Variants in CLEC4D observed in about 807,000 individuals in gnomAD.
CLEC4D encodes the protein C-type (calcium dependent, carbohydrate-recognition domain) lectin, superfamily member 8.
Under a neutral mutation model 21.1 loss-of-function variants are expected in CLEC4D, and 21 were observed. The ratio of observed to expected loss-of-function variants is 1.00; its 90% CI spans 0.71 to 1.43. The LOEUF (loss-of-function observed/expected upper bound fraction) is 1.43, where lower values mean the gene tolerates loss of function less well. Among genes scored for constraint, CLEC4D ranks in the 40% most tolerant of loss-of-function variants. The pLI is 0.00. For synonymous variants in CLEC4D, 85 were observed against 83.1 expected, an observed-to-expected ratio of 1.02 and a Z score of -0.12; for missense variants, 289 against 260.7, an observed-to-expected ratio of 1.11 and a Z score of -0.75.
intron 2 of CLEC4D, 100 bp from the exon 3 acceptor site, chr12:8,518,064 T>G (rs1565491926): frequency 8.8e-6 from 5 of 564,982 alleles, no homozygotes; most frequent in Non-Finnish European, 1.3e-5. Context: ...ATGAGGGCCT[T>G]AATTATTAGG....
chr12:8,524,888 G>C (rs1316699528), downstream of CLEC4D, among the ~76,000 whole-genome samples: 1 of 152,024 alleles, frequency 6.6e-6, no homozygotes, highest in Non-Finnish European at 1.5e-5. Flanking sequence ...CAGAGATTCT[G>C]GTACATTGTA....
downstream of CLEC4D, among the ~76,000 whole-genome samples, chr12:8,522,827 T>C (rs1447053252): frequency 2.0e-5 from 3 of 152,196 alleles, no homozygotes; most frequent in Admixed American, 6.5e-5. Flanking sequence ...TTTACGGTTT[T>C]GGGTTTTACA....
chr12:8,523,715 C>A (rs1223688013), downstream of CLEC4D, among the ~76,000 whole-genome samples: 1 of 152,100 alleles, frequency 6.6e-6, no homozygotes, highest in Non-Finnish European at 1.5e-5. Context: ...ATTGCCCTGG[C>A]CAGAACTTTC....
At chr12:8,520,644 G>A (rs938708341) in intron 5 of CLEC4D, among the ~76,000 whole-genome samples, 2 of 152,156 alleles carry the variant, frequency 1.3e-5, no homozygotes, top group Admixed American at 6.5e-5. Context: ...TTCTTTGAAA[G>A]AGAATCAAAA....
downstream of CLEC4D, among the ~76,000 whole-genome samples, chr12:8,524,578 G>T (rs747094044): frequency 6.6e-4 from 101 of 152,130 alleles, 3 homozygotes; most frequent in South Asian, 0.02. Flanking sequence ...GTGTCTGTTT[G>T]ATTCTTCTCT....
chr12:8,518,219 G>C lies in CLEC4D; in HGVS notation c.177G>C (p.Glu59Asp). 1 of 1,451,342 alleles carries C rather than the reference G, an allele frequency of 6.9e-7. No individual in the cohort carries two copies. 89.9% of individuals were successfully genotyped at this position (1,451,342 alleles called of 1,614,324 possible). ...GAGGCACAGGAGTGCACAAGTTAGA[G>C]CACCATGCAAAGCTCAAATGCATCA... ...CKRGTGVHKL[E>D]HHAKLKCIKE... Residue 59 changes from glutamate (E) to aspartate (D), a missense_variant, in exon 3 of 6, where the codon GAG becomes GAC. Physicochemically the swap from Glu to Asp is conservative, Grantham distance 45. Coordinates refer to ENST00000299665, the MANE Select transcript of CLEC4D (RefSeq NM_080387.5).
intron 2 of CLEC4D, among the ~76,000 whole-genome samples, chr12:8,517,586 A>T (rs1037190932): frequency 1.3e-5 from 2 of 152,024 alleles, no homozygotes; most frequent in African/African-American, 4.8e-5. Context: ...CTATTCTAAC[A>T]CAAATTTTGA....
Position 8,521,420 on chromosome 12 carries a change from A to T in CLEC4D, c.*149A>T. The T allele has an allele frequency of 1.4e-6, 2 of 1,408,290 alleles. No individual in the cohort carries two copies. Among genetic ancestry groups the T allele is most frequent in the Admixed American group, 5.8e-5 (2 of 34,402 alleles). 87.2% of individuals were successfully genotyped at this position (1,408,290 alleles called of 1,614,324 possible). ...TGGTCTTTTTTATTTTGTTTGATTC[A>T]TTCGAGACAACATGTGTGTATGTGT... On this transcript the variant is annotated 3_prime_UTR_variant, in exon 6 of 6. Coordinates refer to ENST00000299665, the MANE Select transcript of CLEC4D (RefSeq NM_080387.5).
At chr12:8,517,774 G>A (rs1331841097) in intron 2 of CLEC4D, among the ~76,000 whole-genome samples, 3 of 151,840 alleles carry the variant, frequency 2.0e-5, no homozygotes, top group Non-Finnish European at 2.9e-5. Context: ...GTGAAACCCC[G>A]TCTCTACTAA....
Position 8,521,106 on chromosome 12 carries a change from A to G in CLEC4D, c.501-18A>G, listed in dbSNP as rs1555121388. ...TATATATACCTATAAATCTCTATCT[A>G]TGTTGTTGTTCTTTCAGATTCTGGC... On this transcript the variant is annotated intron_variant, in intron 5 of 5. Transcript: ENST00000299665. 2 of 1,610,436 alleles carry G rather than the reference A, an allele frequency of 1.2e-6. No homozygotes were observed.
rs754309409 is a variant in CLEC4D, at chr12:8,515,234, A to T, written c.29-2A>T. 30 of 1,317,460 alleles carry T rather than the reference A, an allele frequency of 2.3e-5. No homozygotes were observed. Among genetic ancestry groups the T allele is most frequent in the Non-Finnish European group, 3.2e-5 (29 of 909,784 alleles). 81.6% of individuals were successfully genotyped at this position (1,317,460 alleles called of 1,614,324 possible). On this transcript the variant is annotated splice_acceptor_variant, in intron 1 of 5. Transcript: ENST00000299665. LOFTEE classifies it high-confidence loss of function. ...TAATCTCTATTTTTCTTTTGGTCCT[A>T]GTGGAAGGAGGCATGCATCCCCAGC...
rs1363723129 is a variant in CLEC4D, at chr12:8,518,240, C to T, written c.198C>T (p.Cys66=). The T allele has an allele frequency of 1.5e-6, 2 of 1,359,424 alleles. No individual in the cohort carries two copies. The highest frequency in any genetic ancestry group is 2.1e-6 in the Non-Finnish European group (2 of 948,330). 84.2% of individuals were successfully genotyped at this position (1,359,424 alleles called of 1,614,324 possible). Residue 66 remains cysteine, a synonymous_variant, in exon 3 of 6, where the codon TGC becomes TGT. Transcript: ENST00000299665. ...HKLEHHAKLK[C]IKEKSELKSA... ...TAGAGCACCATGCAAAGCTCAAATG[C>T]ATCAAAGAGAAATCAGAACTGAAAA...
At chr12:8,524,155 T>G (rs940229732), downstream of CLEC4D, among the ~76,000 whole-genome samples, 1 of 148,558 alleles carries the variant, frequency 6.7e-6, no homozygotes, top group Non-Finnish European at 1.5e-5. Context: ...TGGCCTGAAG[T>G]TTTTTTTTTG....
chr12:8,525,184 G>A (rs1940496975), downstream of CLEC4D, among the ~76,000 whole-genome samples: 1 of 152,096 alleles, frequency 6.6e-6, no homozygotes, highest in Admixed American at 6.5e-5. Flanking sequence ...TGCTGATTTG[G>A]GGTAGAGAGT....
the CLEC4D span, among the ~76,000 whole-genome samples, chr12:8,528,707 A>T: frequency 8.5e-5 from 13 of 152,138 alleles, no homozygotes; most frequent in African/African-American, 3.1e-4. Context: ...AACTGTAAAA[A>T]CATTAGTAAA....
chr12:8,513,640 T>C lies in CLEC4D; in HGVS notation c.-93T>C. On this transcript the variant is annotated 5_prime_UTR_variant, in exon 1 of 6. Coordinates refer to ENST00000299665, the MANE Select transcript of CLEC4D (RefSeq NM_080387.5). The stretch of plus-strand genomic sequence containing the variant: ...GTGTTCGATCTCAAGTATTTCTGAA[T>C]ATATTCCCCTATCCACAGAAATATA... The C allele has an allele frequency of 1.4e-6, 1 of 713,668 alleles. No individual in the cohort carries two copies. Among genetic ancestry groups the C allele is most frequent in the East Asian group, 2.5e-5 (1 of 40,428 alleles). 44.2% of individuals were successfully genotyped at this position (713,668 alleles called of 1,614,324 possible).
At chr12:8,520,047 G>A (rs1940438093) in intron 4 of CLEC4D, among the ~76,000 whole-genome samples, 179 bp from the exon 5 acceptor site, 1 of 152,200 alleles carries the variant, frequency 6.6e-6, no homozygotes, top group Admixed American at 6.5e-5. Flanking sequence ...CAAGAGCACT[G>A]GGGGTTTGGT....
chr12:8,520,082 A>G (rs1332733923), intron 4 of CLEC4D, 144 bp from the exon 5 acceptor site: 2 of 1,329,954 alleles, frequency 1.5e-6, no homozygotes, highest in African/African-American at 3.0e-5. Context: ...TACTAACATT[A>G]CAGGCAGGAT....
chr12:8,528,699 C>T, the CLEC4D span, among the ~76,000 whole-genome samples: 1 of 152,080 alleles, frequency 6.6e-6, no homozygotes, highest in African/African-American at 2.4e-5. Flanking sequence ...AAAAGGCAAA[C>T]TGTAAAAACA....
Sources: allele counts gnomAD v4.1 joint callset (sites outside exome capture counted in the v4.1 genomes callset), GRCh38; gene constraint gnomAD v4.1.1; transcripts MANE v1.5; gene names NCBI Gene and HGNC (gene_info 2026-07-23, HGNC 2026-07-21).